ATRX: variants seen among roughly 807,000 people sequenced by gnomAD.
The protein encoded by ATRX is ATRX chromatin remodeler.
ATRX carries 12 observed loss-of-function variants against 172.6 expected under a neutral mutation model. That is an observed-to-expected ratio of 0.07 (90% CI 0.04 to 0.11). ATRX has a LOEUF of 0.11. ATRX is among the 10% of genes least tolerant of loss of function. ATRX has a pLI of 1.00. For synonymous variants in ATRX, 674 were observed against 594.7 expected (o/e 1.13, Z -1.94); for missense variants, 1,368 against 1,767.4 (o/e 0.77, Z 4.05).
chrX:77,675,569 T>C (rs1428232009), intron 10 of ATRX: 2 of 111,647 alleles, frequency 1.8e-5, no homozygotes, highest in African/African-American at 6.5e-5. Context: ...ACTGATAGTG[T>C]CTTTTTTTTT....
At chrX:77,620,899 A>G (rs782434327) in intron 19 of ATRX, among the ~76,000 whole-genome samples, 1 of 112,333 alleles carries the variant, frequency 8.9e-6, no homozygotes, top group Admixed American at 9.4e-5. Context: ...CAGCATTAGT[A>G]TATCAACTTA....
At chrX:77,656,307 C>T (rs1432517559) in intron 13 of ATRX, among the ~76,000 whole-genome samples, 1 of 111,515 alleles carries the variant, frequency 9.0e-6, no homozygotes, top group Non-Finnish European at 1.9e-5. Flanking sequence ...CAATTTCCCC[C>T]GTAACAATAA....
At chrX:77,581,845 G>A (rs2065835151) in intron 27 of ATRX, among the ~76,000 whole-genome samples, 1 of 111,931 alleles carries the variant, frequency 8.9e-6, no homozygotes, top group Non-Finnish European at 1.9e-5. Flanking sequence ...CACCACAGTG[G>A]AATAAAAGGA....
chrX:77,718,100 T>C (rs1355222908), intron 1 of ATRX, among the ~76,000 whole-genome samples: 1 of 111,149 alleles, frequency 9.0e-6, no homozygotes, highest in Non-Finnish European at 1.9e-5. Flanking sequence ...AAGAAAGATT[T>C]ATACTAGCCA....
At chrX:77,634,078 T>C in intron 17 of ATRX, among the ~76,000 whole-genome samples, 1 of 110,473 alleles carries the variant, frequency 9.1e-6, no homozygotes, top group Middle Eastern at 4.7e-3. Context: ...TCTGACCCAT[T>C]AAATCTATAA....
chrX:77,658,030 G>C (rs782543379), intron 12 of ATRX, among the ~76,000 whole-genome samples: 1 of 110,490 alleles, frequency 9.1e-6, no homozygotes, highest in South Asian at 3.9e-4. Context: ...GCAACATAGG[G>C]AGATTCTGTC....
At chrX:77,623,780 A>T (rs1226050325) in intron 19 of ATRX, among the ~76,000 whole-genome samples, 1 of 112,079 alleles carries the variant, frequency 8.9e-6, no homozygotes, top group South Asian at 3.7e-4. Context: ...TACACCACAT[A>T]AACAGAATTA....
chrX:77,693,827 C>T lies in ATRX; in HGVS notation c.481G>A (p.Gly161Arg), dbSNP rs1569540314. 2 of 1,197,083 alleles carry T rather than the reference C, an allele frequency of 1.7e-6. No individual in the cohort carries two copies. The highest frequency in any genetic ancestry group is 1.1e-6 in the Non-Finnish European group (1 of 882,701). Residue 161 changes from glycine (G) to arginine (R), a missense_variant, in exon 6 of 35, where the codon GGA becomes AGA. Physicochemically the swap from Gly to Arg is moderately radical, Grantham distance 125 (BLOSUM62 -2). Around this residue, in one of 17 missense-constraint regions of ATRX, gnomAD observed 15 missense variants for 33.2 expected, o/e 0.45. Coordinates refer to ENST00000373344, the MANE Select transcript of ATRX (RefSeq NM_000489.6). ...KMKTENLKKR[G>R]EDGLHGIVSC... ...TTTCATTTTCACTTGTATTTACCTC[C>T]GCGTTTTTTGAGATTTTCAGTTTTC...
At chrX:77,727,938 C>T (rs1265035045) in intron 1 of ATRX, 1 of 112,196 alleles carries the variant, frequency 8.9e-6, no homozygotes, top group Non-Finnish European at 1.9e-5. Context: ...AGACTGTCTA[C>T]AAATTTACAA....
At chrX:77,626,040 T>TGC (rs2067824907) in intron 19 of ATRX, among the ~76,000 whole-genome samples, 27 of 11,369 alleles carry the variant, frequency 2.4e-3, no homozygotes, top group African/African-American at 9.5e-3. Context: ...TATATATATA[T>TGC]ATATATATAT....
At chrX:77,612,378 T>C (rs1230366009) in intron 22 of ATRX, among the ~76,000 whole-genome samples, 2 of 97,589 alleles carry the variant, frequency 2.0e-5, no homozygotes, top group African/African-American at 3.9e-5. Context: ...TGAGAACACA[T>C]GGACACAGGG....
At chrX:77,518,026 A>G (rs1167321244) in intron 34 of ATRX, among the ~76,000 whole-genome samples, 1 of 112,103 alleles carries the variant, frequency 8.9e-6, no homozygotes, top group Admixed American at 9.5e-5. Flanking sequence ...CCTCAACACA[A>G]TAAAAGCCAT....
chrX:77,644,886 T>C (rs1199312261), intron 15 of ATRX, among the ~76,000 whole-genome samples: 1 of 111,176 alleles, frequency 9.0e-6, no homozygotes, highest in Non-Finnish European at 1.9e-5. Flanking sequence ...GAGAGAGACT[T>C]AAATCTACAA....
chrX:77,661,517 A>G (rs1282554673), intron 12 of ATRX, among the ~76,000 whole-genome samples: 10 of 110,002 alleles, frequency 9.1e-5, no homozygotes, highest in African/African-American at 2.3e-4. Flanking sequence ...AGAGCCTATT[A>G]TATTTCCCAA....
intron 9 of ATRX, 140 bp from the exon 10 acceptor site, chrX:77,676,438 G>A: frequency 2.3e-6 from 1 of 438,507 alleles, no homozygotes; most frequent in Non-Finnish European, 4.0e-6. Context: ...TGAGTAAAAA[G>A]CATTCTTATA....
chrX:77,610,929 G>C (rs973312116), intron 22 of ATRX, among the ~76,000 whole-genome samples: 6 of 106,101 alleles, frequency 5.7e-5, no homozygotes, highest in Non-Finnish European at 1.2e-4. Context: ...TATAATTCCA[G>C]CCATTAAAAA....
chrX:77,527,696 C>T (rs1467433278), intron 30 of ATRX, among the ~76,000 whole-genome samples: 1 of 111,681 alleles, frequency 9.0e-6, no homozygotes, highest in African/African-American at 3.3e-5. Flanking sequence ...CAGCATGGCT[C>T]GGCAGGCCCC....
Position 77,523,418 on chromosome X carries a change from A to T in ATRX, c.6700-17T>A. 8.3e-7 allele frequency: 1 copy of T among 1,201,401 alleles called. No homozygotes were observed. The highest frequency in any genetic ancestry group is 1.1e-6 in the Non-Finnish European group (1 of 886,660). Reference sequence around the variant, plus strand: ...TATGGTATCCTGTTTAGAGGGGTTGAAATAAGAGACAATTATTTTTCCCCT... The same window carrying T: ...TATGGTATCCTGTTTAGAGGGGTTGTAATAAGAGACAATTATTTTTCCCCT... On this transcript the variant is annotated splice_polypyrimidine_tract_variant and intron_variant, in intron 30 of 34. Coordinates refer to ENST00000373344, the MANE Select transcript of ATRX (RefSeq NM_000489.6).
At chrX:77,610,416 T>C (rs45472899) in intron 22 of ATRX, among the ~76,000 whole-genome samples, 2,607 of 111,691 alleles carry the variant, frequency 0.023, 72 homozygotes, top group African/African-American at 0.081. Flanking sequence ...TGTCAGAATA[T>C]ACTAACTTAA....
Sources: gnomAD v4.1 joint callset for allele counts (sites outside exome capture counted in the v4.1 genomes callset) on GRCh38, gnomAD v4.1.1 for gene constraint, gnomAD v4.1.1 regional missense constraint, MANE v1.5 for transcripts, NCBI Gene and HGNC (gene_info 2026-07-23, HGNC 2026-07-21) for gene names.